The following SDK1 variants were observed in gnomAD, a reference collection of about 807,000 sequenced individuals.
SDK1 encodes the protein protein sidekick-1.
A neutral mutation model predicts 245.5 loss-of-function variants in SDK1; 157 were observed. That is an observed-to-expected ratio of 0.64 (90% CI 0.56 to 0.73). The LOEUF (loss-of-function observed/expected upper bound fraction) is 0.73. Ranked by LOEUF, SDK1 falls within the 30% of genes least tolerant of loss-of-function variation. SDK1 has a pLI of 0.00. For synonymous variants in SDK1, 1,647 were observed against 1,278.5 expected, an observed-to-expected ratio of 1.29 and a Z score of -6.15; for missense variants, 3,583 against 3,002.3, an observed-to-expected ratio of 1.19 and a Z score of -4.52.
At chr7:3,489,239 T>C (rs1781796773) in intron 1 of SDK1, among the ~76,000 whole-genome samples, 3 of 152,160 alleles carry the variant, frequency 2.0e-5, no homozygotes, top group South Asian at 4.1e-4. Flanking sequence ...ATCTGCACAG[T>C]TGAATACTTT....
At chr7:3,411,187 G>A (rs79339290) in intron 1 of SDK1, among the ~76,000 whole-genome samples, 4 of 152,114 alleles carry the variant, frequency 2.6e-5, no homozygotes, top group African/African-American at 9.7e-5. Context: ...ATCCAAGAGA[G>A]CCGGGAAGAT....
chr7:3,765,557 G>C (rs1318987373), intron 4 of SDK1, among the ~76,000 whole-genome samples: 1 of 152,080 alleles, frequency 6.6e-6, no homozygotes, highest in Admixed American at 6.6e-5. Context: ...CTGTATCTGT[G>C]CTCTTTTGTT....
Position 4,220,258 on chromosome 7 carries a change from G to T in SDK1, c.5689G>T (p.Gly1897Trp). 8 of 1,613,438 alleles carry T rather than the reference G, an allele frequency of 5.0e-6. No individual in the cohort carries two copies. The highest frequency in any genetic ancestry group is 6.8e-6 in the Non-Finnish European group (8 of 1,179,720). The change falls in exon 39 of 45, where the codon GGG (glycine) becomes TGG (tryptophan). Residue 1897 changes from glycine to tryptophan, a missense_variant. By Grantham distance (184) the Gly-to-Trp change is radical (BLOSUM62 -2). Transcript: ENST00000404826. The part of the protein sequence containing the change: ...GPELQANITA[G>W]PAEGSPGSPR... ...CGAGCTCCAAGCCAATATCACAGCC[G>T]GGCCAGCCGAGGGTAAGTGGAACTC...
rs1417216214 is a variant in SDK1 at position 4,226,685 on chromosome 7, G to C, written c.5827+5321G>C. On this transcript the variant is annotated intron_variant, in intron 40 of 44. Transcript: ENST00000404826. Reference sequence around the variant, plus strand: ...CACACGTTCCTTTCTCTGGCTGTGCGTAAGTTTCCTCCAAATTGGTGTTGC... The same window carrying C: ...CACACGTTCCTTTCTCTGGCTGTGCCTAAGTTTCCTCCAAATTGGTGTTGC... Among the ~76,000 whole-genome samples the C allele has an allele frequency of 2.0e-5, 3 of 152,270 alleles. No homozygotes were observed. In the East Asian group the frequency reaches 5.8e-4, roughly 29 times the overall value.
chr7:4,130,053 G>T lies in SDK1; in HGVS notation c.4085G>T (p.Gly1362Val). The T allele has an allele frequency of 6.2e-7, 1 of 1,612,460 alleles. No individual in the cohort carries two copies. The highest frequency in any genetic ancestry group is 8.5e-7 in the Non-Finnish European group (1 of 1,179,226). Reference protein sequence around the residue: ...QVLAFTRIGNGVPSTPLILER... With the variant: ...QVLAFTRIGNVVPSTPLILER... ...CTGGCGTTCACCCGCATCGGGAACG[G>T]GGTCCCCAGCACGCCCCTCATCCTG... is the stretch of plus-strand genomic sequence containing the variant. The change falls in exon 27 of 45, where the codon GGG (glycine) becomes GTG (valine). Residue 1362 changes from glycine (G) to valine (V), a missense_variant. Transcript: ENST00000404826.
At position 3,723,943 on chromosome 7, in the gene SDK1, T is replaced by TATAG. The variant is rs1177943410; in HGVS notation, c.713+81839_713+81840insTAGA. On this transcript the variant is annotated intron_variant, in intron 4 of 44. Transcript: ENST00000404826. The stretch of plus-strand genomic sequence containing the variant: ...ATACACGTATATATATATATATATA[T>TATAG]AGAGAGAGAGAGAGAGAGAGAGAGA... 7.8e-4 allele frequency among the ~76,000 whole-genome samples: 70 copies of TATAG among 89,686 alleles called. 2 individuals are homozygous for TATAG. Among genetic ancestry groups the TATAG allele is most frequent in the Admixed American group, 1.4e-3 (13 of 9,030 alleles). 58.8% of individuals were successfully genotyped at this position (89,686 alleles called of 152,430 possible). A position where few individuals can be genotyped will look rare whatever the true frequency, so the allele number is the denominator to read the frequency against.
chr7:4,151,806 C>A (rs1271499894), intron 30 of SDK1, among the ~76,000 whole-genome samples: 1 of 152,218 alleles, frequency 6.6e-6, no homozygotes, highest in Non-Finnish European at 1.5e-5. Context: ...GCAGAGATAT[C>A]TTAAGTAACG....
At chr7:3,903,344 C>T (rs992896596) in intron 5 of SDK1, among the ~76,000 whole-genome samples, 3 of 151,926 alleles carry the variant, frequency 2.0e-5, no homozygotes, top group East Asian at 3.9e-4. Context: ...GAGGTTTCAC[C>T]GTGTTAGCCA....
In SDK1 at chr7:4,051,798, G is replaced by A; in HGVS notation, c.2879G>A (p.Ser960Asn). 1 of 1,613,428 alleles carries A rather than the reference G, an allele frequency of 6.2e-7. No individual in the cohort carries two copies. Among genetic ancestry groups the A allele is most frequent in the Non-Finnish European group, 8.5e-7 (1 of 1,179,716 alleles). The change falls in exon 19 of 45, where the codon AGC (serine) becomes AAC (asparagine). Residue 960 changes from serine (S) to asparagine (N), a missense_variant. Coordinates refer to ENST00000404826, the MANE Select transcript of SDK1 (RefSeq NM_152744.4). The part of the protein sequence containing the change: ...CFTTPGDGPP[S>N]TPQLVWTQED... ...ACCACCCCTGGGGACGGGCCTCCCA[G>A]CACACCTCAGCTGGTCTGGACTCAG...
chr7:3,391,981 A>G (rs1481065523), intron 1 of SDK1, among the ~76,000 whole-genome samples: 1 of 151,090 alleles, frequency 6.6e-6, no homozygotes, highest in Non-Finnish European at 1.5e-5. Context: ...ATATATATAT[A>G]TATATATGCA....
intron 20 of SDK1, among the ~76,000 whole-genome samples, chr7:4,074,884 C>CTCTCTCTCTCTCTCTCTCTCTGTGTG (rs1377225405): frequency 6.4e-5 from 4 of 62,460 alleles, no homozygotes; most frequent in African/African-American, 4.9e-4. Flanking sequence ...CTCTCTCTCT[C>CTCTCTCTCTCTCTCTCTCTCTGTGTG]TGTATATATA....
chr7:3,950,410 C>T (rs1401657636), intron 5 of SDK1, among the ~76,000 whole-genome samples: 2 of 152,202 alleles, frequency 1.3e-5, no homozygotes, highest in Non-Finnish European at 2.9e-5. Context: ...CATTACCCTC[C>T]GTCAACCATG....
intron 35 of SDK1, among the ~76,000 whole-genome samples, chr7:4,203,876 T>A (rs1228402583): frequency 4.6e-5 from 7 of 152,262 alleles, no homozygotes; most frequent in Non-Finnish European, 1.0e-4. Context: ...TGCCTTGCTG[T>A]AGCATTGCTG....
At chr7:3,991,096 G>A (rs1018308288) in intron 14 of SDK1, among the ~76,000 whole-genome samples, 5 of 152,232 alleles carry the variant, frequency 3.3e-5, no homozygotes, top group African/African-American at 1.2e-4. Flanking sequence ...CACGTTCCCG[G>A]CTAGGTACGT....
chr7:4,210,111 G>A lies in SDK1; in HGVS notation c.5488G>A (p.Gly1830Ser), dbSNP rs780746044. ...CTGGGGCGAGCCTGCGGCGGCCAACGGCATCCTGCAGGGCTATCGGGTGGT... is the reference window on the plus strand; with the variant it reads ...CTGGGGCGAGCCTGCGGCGGCCAACAGCATCCTGCAGGGCTATCGGGTGGT... Reference protein sequence around the residue: ...VSWGEPAAANGILQGYRVVYE... With the variant: ...VSWGEPAAANSILQGYRVVYE... The change falls in exon 38 of 45, where the codon GGC (glycine) becomes AGC (serine). Residue 1830 changes from glycine (G) to serine (S), a missense_variant. Transcript: ENST00000404826. 4.3e-6 allele frequency: 7 copies of A among 1,609,844 alleles called. No individual in the cohort carries two copies. Among genetic ancestry groups the A allele is most frequent in the South Asian group, 2.2e-5 (2 of 90,378 alleles).
chr7:3,352,263 G>GT (rs58484846), intron 1 of SDK1, among the ~76,000 whole-genome samples: 5,488 of 146,688 alleles, frequency 0.037, 359 homozygotes, highest in African/African-American at 0.13. Flanking sequence ...GATTTGGGAG[G>GT]TTTTTTTTTT....
rs184185254 is a variant in SDK1, at chr7:3,459,044, C to T, written c.298+157160C>T. ...ATACACGTAAACACAGACCAAAAAA[C>T]TCTGCTCAGATTTCGAATGAGATTG... is the stretch of plus-strand genomic sequence containing the variant. On this transcript the variant is annotated intron_variant, in intron 1 of 44. Transcript: ENST00000404826. Among the ~76,000 whole-genome samples the T allele has an allele frequency of 4.2e-3, 634 of 152,234 alleles. 7 individuals carry two copies. Among genetic ancestry groups the T allele is most frequent in the South Asian group, 0.018 (87 of 4,828 alleles).
intron 1 of SDK1, among the ~76,000 whole-genome samples, chr7:3,567,429 G>T (rs984473236): frequency 6.6e-6 from 1 of 152,196 alleles, no homozygotes; most frequent in Admixed American, 6.5e-5. Context: ...CTTTCCAAAG[G>T]CTCATCTTAC....
chr7:3,743,224 G>C (rs953116493), intron 4 of SDK1, among the ~76,000 whole-genome samples: 10 of 152,208 alleles, frequency 6.6e-5, no homozygotes, highest in African/African-American at 2.4e-4. Flanking sequence ...TAGTTTAAAA[G>C]AGGCAGTCTG....
Sources: gnomAD v4.1 joint callset for allele counts (sites outside exome capture counted in the v4.1 genomes callset) on GRCh38, gnomAD v4.1.1 for gene constraint, MANE v1.5 for transcripts, NCBI Gene and HGNC (gene_info 2026-07-23, HGNC 2026-07-21) for gene names.